Variants in AKNA observed in about 807,000 individuals in gnomAD.
AKNA encodes the protein AT-hook transcription factor.
A neutral mutation model predicts 138.8 loss-of-function variants in AKNA; 67 were observed. That is an observed-to-expected ratio of 0.48 (90% CI 0.40 to 0.59). The LOEUF (loss-of-function observed/expected upper bound fraction) is 0.59, where lower values mean the gene tolerates loss of function less well. Ranked by LOEUF, AKNA falls within the 20% of genes least tolerant of loss-of-function variation. AKNA has a pLI of 0.00. For missense variants in AKNA, 1,813 were observed against 1,880.4 expected (o/e 0.96, Z 0.66); for synonymous variants, 737 against 754.4 (o/e 0.98, Z 0.38).
intron 21 of AKNA, among the ~76,000 whole-genome samples, chr9:114,338,382 G>A (rs1298384947): frequency 6.6e-6 from 1 of 152,226 alleles, no homozygotes; most frequent in Non-Finnish European, 1.5e-5. Flanking sequence ...AACAAGTGTT[G>A]ACAAGAATGT....
intron 2 of AKNA, 144 bp from the exon 3 acceptor site, chr9:114,377,676 C>A: frequency 1.2e-6 from 1 of 857,956 alleles, no homozygotes; most frequent in Non-Finnish European, 1.8e-6. Context: ...TAGACTTAGC[C>A]AAGTGCTTGT....
upstream of AKNA, among the ~76,000 whole-genome samples, chr9:114,397,133 G>GC (rs1433688355): frequency 1.3e-5 from 2 of 152,178 alleles, no homozygotes; most frequent in Admixed American, 6.5e-5. Context: ...GGAGGCAAAG[G>GC]CCCCACGTGG....
At chr9:114,380,153 T>TAA (rs57149512) in intron 2 of AKNA, among the ~76,000 whole-genome samples, 3 of 142,390 alleles carry the variant, frequency 2.1e-5, no homozygotes, top group Non-Finnish European at 3.1e-5. Flanking sequence ...TCTGCCTCAC[T>TAA]AAAAAAAAAA....
At chr9:114,386,186 G>C (rs527695151) in intron 1 of AKNA, among the ~76,000 whole-genome samples, 1 of 152,314 alleles carries the variant, frequency 6.6e-6, no homozygotes, top group East Asian at 1.9e-4. Context: ...TTTTAAAAAA[G>C]CCCTATGACT....
intron 1 of AKNA, among the ~76,000 whole-genome samples, chr9:114,381,655 G>GTTTTTTTTT (rs1160552279): frequency 7.2e-5 from 6 of 82,854 alleles, no homozygotes; most frequent in Non-Finnish European, 1.0e-4. Flanking sequence ...TCTCTCCAGG[G>GTTTTTTTTT]TTTTTTTTTT....
intron 21 of AKNA, among the ~76,000 whole-genome samples, chr9:114,340,170 CTGGA>C (rs1407650140): frequency 6.6e-6 from 1 of 152,196 alleles, no homozygotes; most frequent in Non-Finnish European, 1.5e-5. Flanking sequence ...AGGACCAGGG[CTGGA>C]TGGCGCCTTG....
intron 1 of AKNA, among the ~76,000 whole-genome samples, chr9:114,382,804 G>A (rs1350655856): frequency 1.3e-5 from 2 of 152,144 alleles, no homozygotes; most frequent in Non-Finnish European, 2.9e-5. Flanking sequence ...AAAGCAGGCT[G>A]GTATTTGCCA....
At chr9:114,370,911 A>G (rs1439606739) in intron 4 of AKNA, among the ~76,000 whole-genome samples, 4 of 152,078 alleles carry the variant, frequency 2.6e-5, no homozygotes, top group Non-Finnish European at 5.9e-5. Flanking sequence ...ATCAGAACAC[A>G]CTGAAAAGAG....
chr9:114,351,744 T>C (rs1831139230), intron 14 of AKNA, among the ~76,000 whole-genome samples: 1 of 151,842 alleles, frequency 6.6e-6, no homozygotes, highest in Non-Finnish European at 1.5e-5. Flanking sequence ...AGCAGGAGGA[T>C]CGCTTGGGCC....
rs1294307080 is a variant in AKNA, at chr9:114,356,042, C to A, written c.2941G>T (p.Ala981Ser). 6.2e-7 allele frequency: 1 copy of A among 1,614,180 alleles called. No homozygotes were observed. The highest frequency in any genetic ancestry group is 1.1e-5 in the South Asian group (1 of 91,084). ...KARGSLIPRRATEPSTPRSQA... is the reference protein window; with the variant it reads ...KARGSLIPRRSTEPSTPRSQA... ...CTCCGGGGTGTGCTGGGCTCTGTGG[C>A]TCTTCTGGGAATCAGAGAACCCCTG... is the stretch of plus-strand genomic sequence containing the variant. Residue 981 changes from alanine to serine, a missense_variant, in exon 14 of 22, where the codon GCC (alanine) becomes TCC (serine). Physicochemically the swap from Ala to Ser is moderately conservative, Grantham distance 99. Coordinates refer to ENST00000374088, the MANE Select transcript of AKNA (RefSeq NM_001317950.2).
chr9:114,336,934 G>C lies in AKNA; in HGVS notation c.*120C>G. 1.5e-6 allele frequency: 2 copies of C among 1,302,840 alleles called. No individual in the cohort carries two copies. The highest frequency in any genetic ancestry group is 3.3e-5 in the South Asian group (2 of 60,970). The allele number at this position is 1,302,840 out of a possible 1,614,324, so 80.7% of individuals were successfully genotyped here. On this transcript the variant is annotated 3_prime_UTR_variant, in exon 22 of 22. Coordinates refer to ENST00000374088, the MANE Select transcript of AKNA (RefSeq NM_001317950.2). ...GAGCAGGCGGGACCTGTGCTGGAGG[G>C]AGACCCTCCTGGTGAGGAACTATGC...
intron 1 of AKNA, among the ~76,000 whole-genome samples, chr9:114,381,729 C>T (rs1274611617): frequency 4.7e-5 from 6 of 128,120 alleles, no homozygotes; most frequent in East Asian, 2.7e-4. Flanking sequence ...GGCACAATCT[C>T]GGCTCACTGC....
chr9:114,375,275 A>G (rs542687191), intron 3 of AKNA, among the ~76,000 whole-genome samples: 115 of 152,388 alleles, frequency 7.5e-4, no homozygotes, highest in African/African-American at 2.6e-3. Flanking sequence ...TCTGCAGGAC[A>G]GACTGATTTC....
intron 18 of AKNA, 143 bp from the exon 19 acceptor site, chr9:114,343,946 G>A (rs1449009692): frequency 1.0e-5 from 7 of 681,544 alleles, no homozygotes; most frequent in South Asian, 1.9e-5. Flanking sequence ...CGGTGAGTGT[G>A]CATACACACA....
chr9:114,374,480 T>G (rs74868359), intron 3 of AKNA, among the ~76,000 whole-genome samples: 3 of 152,194 alleles, frequency 2.0e-5, no homozygotes, highest in Non-Finnish European at 2.9e-5. Context: ...ACTGTTTTAT[T>G]TCTCCAAATG....
At chr9:114,374,501 C>T (rs149243795) in intron 3 of AKNA, among the ~76,000 whole-genome samples, 15 of 152,214 alleles carry the variant, frequency 9.9e-5, no homozygotes, top group South Asian at 4.1e-4. Flanking sequence ...CCCTGCCCAC[C>T]GGTTGGCTCT....
chr9:114,391,389 C>G (rs920731865), upstream of AKNA, among the ~76,000 whole-genome samples: 12 of 152,300 alleles, frequency 7.9e-5, no homozygotes, highest in African/African-American at 2.9e-4. Flanking sequence ...TTTTGGTTTC[C>G]CAAAATGCTT....
At chr9:114,362,009 C>A in intron 8 of AKNA, 98 bp from the exon 9 acceptor site, 3 of 1,202,206 alleles carry the variant, frequency 2.5e-6, no homozygotes, top group Non-Finnish European at 3.5e-6. Flanking sequence ...AGGGGATGCC[C>A]CCTTAGGGTC....
downstream of AKNA, chr9:114,331,964 C>T (rs373095648): frequency 3.1e-6 from 5 of 1,589,798 alleles, no homozygotes; most frequent in Non-Finnish European, 4.3e-6. Context: ...CCCACCTTGT[C>T]CATGGCCCAA....
Sources: allele counts gnomAD v4.1 joint callset (sites outside exome capture counted in the v4.1 genomes callset), GRCh38; gene constraint gnomAD v4.1.1; transcripts MANE v1.5; gene names NCBI Gene and HGNC (gene_info 2026-07-23, HGNC 2026-07-21).